The following KIF7 variants were observed in gnomAD, a reference collection of about 807,000 sequenced individuals.
The protein encoded by KIF7 is kinesin family member 7, also known as kinesin-like protein KIF7.
KIF7 carries 104 observed loss-of-function variants against 135.7 expected under a neutral mutation model. That is an observed-to-expected ratio of 0.77 (90% CI 0.65 to 0.90). The LOEUF is 0.90. Among genes scored for constraint, KIF7 ranks in the 40% least tolerant of loss-of-function variants. The probability of loss-of-function intolerance (pLI) is 0.00; values close to 1 mark genes in which losing one functional copy is unlikely to be tolerated. For missense variants in KIF7, 2,005 were observed against 1,839.1 expected (o/e 1.09, Z -1.65); for synonymous variants, 883 against 809.4 (o/e 1.09, Z -1.54).
intron 11 of KIF7, among the ~76,000 whole-genome samples, chr15:89,641,050 A>C (rs562958344): frequency 4.7e-4 from 72 of 152,214 alleles, no homozygotes; most frequent in African/African-American, 1.7e-3. Flanking sequence ...GATGGGCTGA[A>C]TTGTGTTTCC....
At chr15:89,618,626 C>T (rs1167590129) in intron 1 of KIF7, among the ~76,000 whole-genome samples, 2 of 152,222 alleles carry the variant, frequency 1.3e-5, no homozygotes, top group Non-Finnish European at 2.9e-5. Context: ...CCCCAACACA[C>T]AGTGCCTGGC....
At chr15:89,619,583 T>C in intron 1 of KIF7, 1 of 998,632 alleles carries the variant, frequency 1.0e-6, no homozygotes, top group Non-Finnish European at 1.5e-6. Context: ...CTCTTAAAGC[T>C]AATAGCTTGC....
intron 10 of KIF7, among the ~76,000 whole-genome samples, chr15:89,643,110 C>T (rs539597656): frequency 2.4e-4 from 36 of 152,242 alleles, no homozygotes; most frequent in African/African-American, 8.4e-4. Context: ...AGCAGGATGA[C>T]TGAGAGAAGG....
chr15:89,624,357 A>C, downstream of KIF7: 1 of 1,614,164 alleles, frequency 6.2e-7, no homozygotes, highest in Non-Finnish European at 8.5e-7. Flanking sequence ...CACCCAGCGT[A>C]GCTGCATCTC....
chr15:89,649,844 A>C lies in KIF7; in HGVS notation c.426T>G (p.His142Gln). 5 of 1,551,794 alleles carry C rather than the reference A, an allele frequency of 3.2e-6. No homozygotes were observed. Among genetic ancestry groups the C allele is most frequent in the Non-Finnish European group, 4.4e-6 (5 of 1,147,008 alleles). Residue 142 changes from histidine (H) to glutamine (Q), a missense_variant, in exon 3 of 19, where the codon CAT (histidine) becomes CAG (glutamine). By Grantham distance (24) the His-to-Gln change is conservative. Coordinates refer to ENST00000394412, the MANE Select transcript of KIF7 (RefSeq NM_198525.3). Reference sequence around the variant, plus strand: ...CCTTGTACACTTCCAGGTAGGACACATGTACCAGACAGTCAAGCAGGTCGT... The same window carrying C: ...CCTTGTACACTTCCAGGTAGGACACCTGTACCAGACAGTCAAGCAGGTCGT... ...DENDLLDCLV[H>Q]VSYLEVYKEE...
intron 15 of KIF7, 144 bp from the exon 16 acceptor site, chr15:89,630,637 G>A: frequency 4.2e-6 from 3 of 721,550 alleles, no homozygotes; most frequent in Admixed American, 2.0e-5. Flanking sequence ...CATCGAGAGA[G>A]GTGCCCCCTG....
At position 89,652,724 on chromosome 15, in the gene KIF7, G is replaced by A. The variant is rs1964143049; in HGVS notation, c.207C>T (p.Ala69=). ...GGGGCTGAACGCAGGCCTGGTACAC[G>A]GCCTCCTGCCCCGCATCCTCGGCCA... ...VVLAEDAGQE[A]VYQACVQPLL... is the part of the protein sequence containing the mutation. Residue 69 remains alanine (A), a synonymous_variant, in exon 2 of 19, where the codon GCC becomes GCT. Coordinates refer to ENST00000394412, the MANE Select transcript of KIF7 (RefSeq NM_198525.3). 4 of 1,551,754 alleles carry A rather than the reference G, an allele frequency of 2.6e-6. No individual in the cohort carries two copies. Among genetic ancestry groups the A allele is most frequent in the South Asian group, 2.4e-5 (2 of 84,062 alleles).
downstream of KIF7, chr15:89,625,900 TG>T: frequency 1.3e-6 from 2 of 1,545,056 alleles, no homozygotes; most frequent in Non-Finnish European, 1.7e-6. Flanking sequence ...GTTGGGGGTC[TG>T]GGGACGCTGC....
rs1463459008 is a variant in KIF7 at position 89,640,417 on chromosome 15, A to G, written c.2394+1786T>C. On this transcript the variant is annotated intron_variant, in intron 11 of 18. Coordinates refer to ENST00000394412, the MANE Select transcript of KIF7 (RefSeq NM_198525.3). ...ATTAAATGGTCCTAATGAGCCTACAAAAAGTGTAATTATGATTATCCCTAT... is the reference window on the plus strand; with the variant it reads ...ATTAAATGGTCCTAATGAGCCTACAGAAAGTGTAATTATGATTATCCCTAT... Among the ~76,000 whole-genome samples, 3 of 152,194 alleles carry G rather than the reference A, an allele frequency of 2.0e-5. 1 individual carries two copies. The highest frequency in any genetic ancestry group is 4.4e-5 in the Non-Finnish European group (3 of 68,040).
chr15:89,660,295 C>G (rs1383777305), upstream of KIF7, among the ~76,000 whole-genome samples: 1 of 152,236 alleles, frequency 6.6e-6, no homozygotes, highest in Non-Finnish European at 1.5e-5. Context: ...TCTACTTCCC[C>G]TCCATTTAGG....
rs755280435 is a variant in KIF7 at position 89,649,780 on chromosome 15, G to A, written c.490C>T (p.Arg164Cys). Residue 164 changes from arginine (R) to cysteine (C), a missense_variant, in exon 3 of 19, where the codon CGT becomes TGT. By Grantham distance (180) the Arg-to-Cys change is radical. Transcript: ENST00000394412. Reference protein sequence around the residue: ...RDLLEVGTASRDIQLREDERG... With the variant: ...RDLLEVGTASCDIQLREDERG... ...TCATCTTCCCGGAGCTGGATGTCAC[G>A]GCTGGCAGTGCCCACCTCGAGCAGG... 55 of 1,551,736 alleles carry A rather than the reference G, an allele frequency of 3.5e-5. No homozygotes were observed. In the South Asian group the frequency reaches 5.0e-4, roughly 14 times the overall value.
chr15:89,628,199 C>T lies in KIF7; in HGVS notation c.*220G>A. 1 of 522,834 alleles carries T rather than the reference C, an allele frequency of 1.9e-6. No individual in the cohort carries two copies. Among genetic ancestry groups the T allele is most frequent in the Non-Finnish European group, 3.3e-6 (1 of 303,944 alleles). 32.4% of individuals were successfully genotyped at this position (522,834 alleles called of 1,614,324 possible). On this transcript the variant is annotated 3_prime_UTR_variant, in exon 19 of 19. Coordinates refer to ENST00000394412, the MANE Select transcript of KIF7 (RefSeq NM_198525.3). ...ACAAGGCGGCAATTGGGTACCACAG[C>T]TTCATGGAAGTAAGTGGTGGGAATT... is the stretch of plus-strand genomic sequence containing the variant.
chr15:89,657,432 T>C (rs1964219614), upstream of KIF7, among the ~76,000 whole-genome samples: 1 of 152,140 alleles, frequency 6.6e-6, no homozygotes, highest in African/African-American at 2.4e-5. Flanking sequence ...AATTTCATGA[T>C]GGTGGAACTA....
chr15:89,657,167 G>C (rs187269250), upstream of KIF7, among the ~76,000 whole-genome samples: 2 of 152,094 alleles, frequency 1.3e-5, no homozygotes, highest in African/African-American at 2.4e-5. Context: ...ATAGGCAGGC[G>C]TAGTGGCATG....
intron 11 of KIF7, among the ~76,000 whole-genome samples, chr15:89,641,857 C>T (rs1292911015): frequency 6.6e-6 from 1 of 152,086 alleles, no homozygotes; most frequent in Non-Finnish European, 1.5e-5. Flanking sequence ...AACGGATAGA[C>T]AGACAAGGGA....
chr15:89,631,610 C>A lies in KIF7; in HGVS notation c.2996G>T (p.Ser999Ile), dbSNP rs1375916466. 3 of 1,561,486 alleles carry A rather than the reference C, an allele frequency of 1.9e-6. No homozygotes were observed. In the African/African-American group the frequency reaches 4.1e-5, roughly 21 times the overall value. The change falls in exon 15 of 19, where the codon AGC (serine) becomes ATC (isoleucine). Residue 999 changes from serine (S) to isoleucine (I), a missense_variant. Physicochemically the swap from Ser to Ile is moderately radical, Grantham distance 142. Coordinates refer to ENST00000394412, the MANE Select transcript of KIF7 (RefSeq NM_198525.3). ...SGQLRQGSAQ[S>I]QQQIRGEIDS... ...GATCTCCCCGCGGATCTGCTGCTGGCTCTGGGCGCTGCCCTGCCGCAGCTG... is the reference window on the plus strand; with the variant it reads ...GATCTCCCCGCGGATCTGCTGCTGGATCTGGGCGCTGCCCTGCCGCAGCTG...
At chr15:89,648,928 C>T (rs916122126) in intron 4 of KIF7, 46 bp downstream of exon 4, 9 of 1,489,292 alleles carry the variant, frequency 6.0e-6, no homozygotes, top group Non-Finnish European at 8.0e-6. Context: ...GGACACTCCC[C>T]GCCTCCCCGG....
upstream of KIF7, among the ~76,000 whole-genome samples, chr15:89,657,310 C>CAAAA (rs369464990): frequency 2.0e-3 from 195 of 98,628 alleles, 6 homozygotes; most frequent in African/African-American, 7.3e-3. Context: ...GACCCTGTCT[C>CAAAA]AAAAAAAAAA....
chr15:89,630,778 T>C (rs1461523317), intron 15 of KIF7: 2 of 520,882 alleles, frequency 3.8e-6, no homozygotes, highest in African/African-American at 3.8e-5. Context: ...AAAGGCATGG[T>C]TGGGACAGCC....
Sources: allele counts gnomAD v4.1 joint callset (sites outside exome capture counted in the v4.1 genomes callset), GRCh38; gene constraint gnomAD v4.1.1; transcripts MANE v1.5; gene names NCBI Gene and HGNC (gene_info 2026-07-23, HGNC 2026-07-21).